The following RALGAPA2 variants were observed in gnomAD, a reference collection of about 807,000 sequenced individuals.
The protein encoded by RALGAPA2 is Ral GTPase activating protein catalytic subunit alpha 2.
In RALGAPA2, 139 loss-of-function variants were observed where a neutral mutation model predicts 230.4. That is an observed-to-expected ratio of 0.60 (90% CI 0.53 to 0.69). RALGAPA2 has a LOEUF of 0.69. Ranked by LOEUF, RALGAPA2 falls within the 30% of genes least tolerant of loss-of-function variation. RALGAPA2 has a pLI of 0.00. For synonymous variants in RALGAPA2, 847 were observed against 837.8 expected (o/e 1.01, Z -0.19); for missense variants, 2,163 against 2,276.0 (o/e 0.95, Z 1.01).
intron 7 of RALGAPA2, 145 bp from the exon 8 acceptor site, chr20:20,637,646 T>G: frequency 1.3e-6 from 1 of 769,622 alleles, no homozygotes; most frequent in East Asian, 2.9e-5. Context: ...AATGAAATAA[T>G]AACAAAGCTC....
At chr20:20,514,644 T>A (rs1321819329) in intron 31 of RALGAPA2, among the ~76,000 whole-genome samples, 1 of 152,146 alleles carries the variant, frequency 6.6e-6, no homozygotes, top group African/African-American at 2.4e-5. Flanking sequence ...CTCATCTGAA[T>A]CAGCAGACTG....
chr20:20,466,766 T>C (rs185856525), intron 37 of RALGAPA2, among the ~76,000 whole-genome samples: 79 of 152,282 alleles, frequency 5.2e-4, no homozygotes, highest in Non-Finnish European at 9.0e-4. Flanking sequence ...CCAACCGAAA[T>C]CCTCAGACAT....
At chr20:20,479,777 C>G (rs2061731134) in intron 36 of RALGAPA2, among the ~76,000 whole-genome samples, 1 of 152,098 alleles carries the variant, frequency 6.6e-6, no homozygotes. Flanking sequence ...CTTGCCAATA[C>G]AGTAATGCAA....
Position 20,619,381 on chromosome 20 carries a change from A to G in RALGAPA2, c.1435T>C (p.Ser479Pro). The G allele has an allele frequency of 6.2e-7, 1 of 1,608,696 alleles. No individual in the cohort carries two copies. The highest frequency in any genetic ancestry group is 1.1e-5 in the South Asian group (1 of 90,124). Reference sequence around the variant, plus strand: ...AAGGAGTATGTGCGTCCCCAACTGGAAGATCGTTTATGACCAGAACTTTCA... The same window carrying G: ...AAGGAGTATGTGCGTCCCCAACTGGGAGATCGTTTATGACCAGAACTTTCA... Reference protein sequence around the residue: ...SSESSGHKRSSSWGRTYSFTS... With the variant: ...SSESSGHKRSPSWGRTYSFTS... Residue 479 changes from serine to proline, a missense_variant, in exon 12 of 40, where the codon TCC becomes CCC. Ser to Pro is a moderately conservative substitution (Grantham distance 74). Coordinates refer to ENST00000202677, the MANE Select transcript of RALGAPA2 (RefSeq NM_020343.4).
At chr20:20,666,047 C>T (rs1243056983) in intron 3 of RALGAPA2, among the ~76,000 whole-genome samples, 5 of 152,200 alleles carry the variant, frequency 3.3e-5, no homozygotes, top group Non-Finnish European at 7.3e-5. Flanking sequence ...ATAAAAGCCA[C>T]AAGTATGGCT....
chr20:20,463,450 G>T (rs1214161178), intron 37 of RALGAPA2, among the ~76,000 whole-genome samples: 1 of 152,068 alleles, frequency 6.6e-6, no homozygotes, highest in Non-Finnish European at 1.5e-5. Context: ...TGTGATATAA[G>T]TATCAAAGCC....
intron 37 of RALGAPA2, among the ~76,000 whole-genome samples, chr20:20,430,533 T>C (rs1336535245): frequency 1.3e-5 from 2 of 152,224 alleles, no homozygotes; most frequent in Non-Finnish European, 2.9e-5. Flanking sequence ...AGAGTAGTCA[T>C]TGTACATGAT....
chr20:20,590,132 ACT>A (rs1312701421), intron 17 of RALGAPA2, among the ~76,000 whole-genome samples: 2 of 151,936 alleles, frequency 1.3e-5, no homozygotes, highest in Admixed American at 6.6e-5. Context: ...CTTAAAATCT[ACT>A]CTCTTAGCAA....
At chr20:20,516,382 G>A (rs762928328) in intron 31 of RALGAPA2, among the ~76,000 whole-genome samples, 14 of 152,222 alleles carry the variant, frequency 9.2e-5, no homozygotes, top group Non-Finnish European at 1.8e-4. Flanking sequence ...TGCAGCTGGT[G>A]CTCTCTTGCA....
At chr20:20,435,035 G>A (rs772632351) in intron 37 of RALGAPA2, among the ~76,000 whole-genome samples, 7 of 152,224 alleles carry the variant, frequency 4.6e-5, no homozygotes, top group Non-Finnish European at 8.8e-5. Context: ...AGAAGCTGAC[G>A]GGACATCACA....
intron 1 of RALGAPA2, among the ~76,000 whole-genome samples, chr20:20,684,114 C>T (rs955318152): frequency 6.6e-6 from 1 of 152,184 alleles, no homozygotes; most frequent in Non-Finnish European, 1.5e-5. Flanking sequence ...TTTTTTTAAT[C>T]AACAGGTCTC....
intron 6 of RALGAPA2, 114 bp downstream of exon 6, chr20:20,640,587 T>A: frequency 9.7e-7 from 1 of 1,029,276 alleles, no homozygotes; most frequent in Non-Finnish European, 1.4e-6. Flanking sequence ...GAAAGGGGAA[T>A]AATTCCTCTT....
At chr20:20,476,923 T>C (rs957571907) in intron 36 of RALGAPA2, among the ~76,000 whole-genome samples, 1 of 152,044 alleles carries the variant, frequency 6.6e-6, no homozygotes. Context: ...TGTAACATCA[T>C]GAAAATAATC....
At chr20:20,444,981 T>A (rs1246862802) in intron 37 of RALGAPA2, among the ~76,000 whole-genome samples, 2 of 152,254 alleles carry the variant, frequency 1.3e-5, no homozygotes, top group Non-Finnish European at 2.9e-5. Context: ...CTGTGTTGCA[T>A]GTGCCTGTGT....
intron 39 of RALGAPA2, among the ~76,000 whole-genome samples, chr20:20,396,131 A>C (rs2059710596): frequency 6.6e-6 from 1 of 152,204 alleles, no homozygotes; most frequent in Non-Finnish European, 1.5e-5. Flanking sequence ...TGCCATGGCC[A>C]GCCTATCCTC....
At chr20:20,601,460 A>G (rs2065650440) in intron 16 of RALGAPA2, among the ~76,000 whole-genome samples, 1 of 152,252 alleles carries the variant, frequency 6.6e-6, no homozygotes, top group Non-Finnish European at 1.5e-5. Flanking sequence ...CTCAATATCA[A>G]CATCACAAGT....
intron 3 of RALGAPA2, among the ~76,000 whole-genome samples, chr20:20,663,654 C>T (rs757677490): frequency 7.9e-5 from 12 of 152,020 alleles, no homozygotes; most frequent in Non-Finnish European, 1.6e-4. Context: ...CACAGTGGCG[C>T]GATCTCAGCT....
rs373125841 is a variant in RALGAPA2 at position 20,619,270 on chromosome 20, C to T, written c.1539+7G>A. 18 of 1,591,400 alleles carry T rather than the reference C, an allele frequency of 1.1e-5. No individual in the cohort carries two copies. Among genetic ancestry groups the T allele is most frequent in the Non-Finnish European group, 1.5e-5 (18 of 1,166,226 alleles). On this transcript the variant is annotated splice_region_variant and intron_variant, in intron 12 of 39. Transcript: ENST00000202677. ...GAGGGGTCTTCATGTCCTGGCCAGC[C>T]ACATACCTGCAACAAAGCCTGGACG...
chr20:20,566,833 T>C (rs1474164374), intron 23 of RALGAPA2, among the ~76,000 whole-genome samples: 1 of 152,208 alleles, frequency 6.6e-6, no homozygotes, highest in African/African-American at 2.4e-5. Flanking sequence ...TCACACTCTA[T>C]TACACTAGAT....
Sources: allele counts gnomAD v4.1 joint callset (sites outside exome capture counted in the v4.1 genomes callset), GRCh38; gene constraint gnomAD v4.1.1; transcripts MANE v1.5; gene names NCBI Gene and HGNC (gene_info 2026-07-23, HGNC 2026-07-21).